Variants in MSH3 observed in about 807,000 individuals in gnomAD.
The protein encoded by MSH3 is DNA mismatch repair protein Msh3.
MSH3 carries 106 observed loss-of-function variants against 123.3 expected under a neutral mutation model. That is an observed-to-expected ratio of 0.86 (90% confidence interval 0.73 to 1.01). MSH3 has a LOEUF of 1.01. MSH3 is among the 50% of genes least tolerant of loss of function. MSH3 has a pLI of 0.00. For synonymous variants in MSH3, 515 were observed against 481.4 expected, an observed-to-expected ratio of 1.07 and a Z score of -0.91; for missense variants, 1,459 against 1,347.6, an observed-to-expected ratio of 1.08 and a Z score of -1.29.
At chr5:80,741,656 C>G (rs1743616780) in intron 11 of MSH3, 108 bp downstream of exon 11, 3 of 780,972 alleles carry the variant, frequency 3.8e-6, no homozygotes, top group Non-Finnish European at 7.0e-6. Flanking sequence ...GTGTCTTTAG[C>G]TGACTGCAGT....
At chr5:80,656,591 C>G (rs1749295989) in intron 2 of MSH3, 60 bp downstream of exon 2, 1 of 1,608,772 alleles carries the variant, frequency 6.2e-7, no homozygotes, top group African/African-American at 1.3e-5. Flanking sequence ...TGGAATTCTC[C>G]AGAGGGCAGA....
rs866932168 is a variant in MSH3 at position 80,751,667 on chromosome 5, G to A, written c.1763+7052G>A. The stretch of plus-strand genomic sequence containing the variant: ...CCTTCACACAGTGTTTTTTAATAAG[G>A]ACATGGTCATATTGGATTAGGGGTC... On this transcript the variant is annotated intron_variant, in intron 12 of 23. Coordinates refer to ENST00000265081, the MANE Select transcript of MSH3 (RefSeq NM_002439.5). Among the ~76,000 whole-genome samples the A allele has an allele frequency of 2.0e-5, 3 of 152,094 alleles. No homozygotes were observed. In the South Asian group the frequency reaches 6.2e-4, roughly 31 times the overall value.
intron 8 of MSH3, among the ~76,000 whole-genome samples, chr5:80,681,698 A>G (rs983458095): frequency 2.0e-5 from 3 of 151,934 alleles, no homozygotes; most frequent in African/African-American, 7.2e-5. Flanking sequence ...AATCAATTTT[A>G]TCAACACATT....
At chr5:80,838,282 C>T (rs1226828065) in intron 20 of MSH3, among the ~76,000 whole-genome samples, 1 of 152,150 alleles carries the variant, frequency 6.6e-6, no homozygotes, top group Non-Finnish European at 1.5e-5. Flanking sequence ...GTAGAGTGTC[C>T]TCTAAAGCCG....
intron 2 of MSH3, among the ~76,000 whole-genome samples, chr5:80,657,561 T>C (rs1489029083): frequency 1.3e-5 from 2 of 152,140 alleles, no homozygotes; most frequent in Non-Finnish European, 2.9e-5. Context: ...GATTTTTCTC[T>C]AGTTTTATGG....
intron 13 of MSH3, among the ~76,000 whole-genome samples, chr5:80,762,325 A>G (rs1380584925): frequency 6.6e-6 from 1 of 152,072 alleles, no homozygotes; most frequent in Non-Finnish European, 1.5e-5. Flanking sequence ...AGTCATTCAC[A>G]TACCTTATAC....
At chr5:80,772,370 G>A (rs1394191599) in intron 15 of MSH3, among the ~76,000 whole-genome samples, 6 of 152,156 alleles carry the variant, frequency 3.9e-5, no homozygotes, top group Non-Finnish European at 7.3e-5. Flanking sequence ...GGGGATTGGA[G>A]GAATGGGTTA....
Position 80,678,999 on chromosome 5 carries a change from A to G in MSH3, c.1246A>G (p.Thr416Ala). 6.2e-7 allele frequency: 1 copy of G among 1,614,024 alleles called. No homozygotes were observed. Among genetic ancestry groups the G allele is most frequent in the Non-Finnish European group, 8.5e-7 (1 of 1,179,998 alleles). Residue 416 changes from threonine (T) to alanine (A), a missense_variant, in exon 8 of 24, where the codon ACC (threonine) becomes GCC (alanine). Coordinates refer to ENST00000265081, the MANE Select transcript of MSH3 (RefSeq NM_002439.5). ...CTCTGCTTCTCGTTCAGAGCTAGAA[A>G]CCCGGATGTCAAGCCTGCAGCCAGT... ...QDSASRSELETRMSSLQPVEL... is the reference protein window; with the variant it reads ...QDSASRSELEARMSSLQPVEL...
At chr5:80,824,078 T>C (rs545046712) in intron 20 of MSH3, among the ~76,000 whole-genome samples, 15 of 151,962 alleles carry the variant, frequency 9.9e-5, no homozygotes, top group South Asian at 6.2e-4. Context: ...CAAAATGGAG[T>C]CTCCTATGTC....
At chr5:80,829,968 A>G (rs1038145142) in intron 20 of MSH3, among the ~76,000 whole-genome samples, 3 of 152,260 alleles carry the variant, frequency 2.0e-5, no homozygotes, top group Admixed American at 1.3e-4. Context: ...GACAGATTGT[A>G]TCTTTCAAGG....
chr5:80,762,790 T>G lies in MSH3; in HGVS notation c.1896+1112T>G, dbSNP rs143870306. Among the ~76,000 whole-genome samples, 637 of 132,934 alleles carry G rather than the reference T, an allele frequency of 4.8e-3. 4 individuals are homozygous for G. Among genetic ancestry groups the G allele is most frequent in the Middle Eastern group, 0.018 (5 of 276 alleles). The allele number at this position is 132,934 out of a possible 152,430, so 87.2% of individuals were successfully genotyped here. A position where few individuals can be genotyped will look rare whatever the true frequency, so the allele number is the denominator to read the frequency against. On this transcript the variant is annotated intron_variant, in intron 13 of 23. Transcript: ENST00000265081. ...ATTTTATTTTAATTTTTTATTTTAT[T>G]TTATGTTATGTTATGTTATGTTATG...
chr5:80,685,543 TTG>T (rs1372769151), intron 8 of MSH3, among the ~76,000 whole-genome samples: 2 of 152,108 alleles, frequency 1.3e-5, no homozygotes, highest in Non-Finnish European at 2.9e-5. Flanking sequence ...TTTTGTTTAT[TTG>T]GGGTTTCTCT....
At chr5:80,762,573 T>C (rs1744052599) in intron 13 of MSH3, among the ~76,000 whole-genome samples, 1 of 151,716 alleles carries the variant, frequency 6.6e-6, no homozygotes, top group Admixed American at 6.6e-5. Flanking sequence ...TTTCATTGGC[T>C]GTGTCTTTTG....
chr5:80,676,890 C>T (rs73765859), intron 7 of MSH3, among the ~76,000 whole-genome samples: 1,771 of 152,204 alleles, frequency 0.012, 34 homozygotes, highest in African/African-American at 0.04. Flanking sequence ...TCTGGCTTAC[C>T]GCCAGAGTTA....
At chr5:80,836,139 A>G (rs894205624) in intron 20 of MSH3, among the ~76,000 whole-genome samples, 82 of 152,336 alleles carry the variant, frequency 5.4e-4, no homozygotes, top group African/African-American at 1.8e-3. Flanking sequence ...CGTAATCTAT[A>G]TGGAAGCACA....
rs182981171 is a variant in MSH3, at chr5:80,784,141, C to T, written c.2436-3424C>T. On this transcript the variant is annotated intron_variant, in intron 17 of 23. Transcript: ENST00000265081. ...AGGAGAATCGCTGGAATCTGGGAGGCGGAGGTTGCAGTGAGCTGAGATCAT... is the reference window on the plus strand; with the variant it reads ...AGGAGAATCGCTGGAATCTGGGAGGTGGAGGTTGCAGTGAGCTGAGATCAT... Among the ~76,000 whole-genome samples the T allele has an allele frequency of 5.0e-3, 659 of 130,656 alleles. 7 individuals are homozygous for T. The highest frequency in any genetic ancestry group is 0.018 in the African/African-American group (625 of 35,288). 85.7% of individuals were successfully genotyped at this position (130,656 alleles called of 152,430 possible).
chr5:80,841,823 A>G (rs528076022), intron 20 of MSH3, among the ~76,000 whole-genome samples: 2 of 152,246 alleles, frequency 1.3e-5, no homozygotes, highest in South Asian at 2.1e-4. Flanking sequence ...TCAGATGGGT[A>G]GATTGCAAAA....
intron 8 of MSH3, among the ~76,000 whole-genome samples, chr5:80,722,552 G>A (rs1220717455): frequency 6.6e-6 from 1 of 152,138 alleles, no homozygotes; most frequent in Admixed American, 6.5e-5. Context: ...TAACTTTAAT[G>A]TGCAGTAGAG....
At chr5:80,850,709 A>G (rs1397357248) in intron 20 of MSH3, among the ~76,000 whole-genome samples, 6 of 152,226 alleles carry the variant, frequency 3.9e-5, no homozygotes, top group Non-Finnish European at 4.4e-5. Context: ...TACGGGAGCT[A>G]CAAGAAAAGA....
Sources: allele counts gnomAD v4.1 joint callset (sites outside exome capture counted in the v4.1 genomes callset), GRCh38; gene constraint gnomAD v4.1.1; transcripts MANE v1.5; gene names NCBI Gene and HGNC (gene_info 2026-07-23, HGNC 2026-07-21).